Variants in RUNDC3B observed in about 807,000 individuals in gnomAD.
RUNDC3B encodes RUN domain containing 3B, also known as RUN domain-containing protein 3B.
RUNDC3B carries 33 observed loss-of-function variants against 58.4 expected under a neutral mutation model. The observed-to-expected ratio is 0.56, with a 90% CI of 0.43 to 0.75. The LOEUF (loss-of-function observed/expected upper bound fraction) is 0.75. Ranked by LOEUF, RUNDC3B falls within the 30% of genes least tolerant of loss-of-function variation. The probability of loss-of-function intolerance (pLI) is 0.00; values close to 1 mark genes in which losing one functional copy is unlikely to be tolerated. For missense variants in RUNDC3B, 501 were observed against 535.7 expected, an observed-to-expected ratio of 0.94 and a Z score of 0.64; for synonymous variants, 193 against 195.2, an observed-to-expected ratio of 0.99 and a Z score of 0.10.
At chr7:87,708,406 A>T (rs1414489993) in intron 3 of RUNDC3B, among the ~76,000 whole-genome samples, 1 of 152,140 alleles carries the variant, frequency 6.6e-6, no homozygotes, top group Admixed American at 6.5e-5. Flanking sequence ...AAGAAATGGG[A>T]AATTTCTTTT....
intron 8 of RUNDC3B, among the ~76,000 whole-genome samples, chr7:87,802,685 C>A (rs1363009575): frequency 1.3e-5 from 2 of 152,102 alleles, no homozygotes; most frequent in African/African-American, 4.8e-5. Context: ...AATATACACA[C>A]CTATTATGTA....
chr7:87,648,037 T>C (rs1823195388), intron 1 of RUNDC3B, among the ~76,000 whole-genome samples: 1 of 151,652 alleles, frequency 6.6e-6, no homozygotes, highest in Non-Finnish European at 1.5e-5. Context: ...TACAAAAAAT[T>C]AGCCGGGCTT....
At chr7:87,720,214 A>G (rs933390165) in intron 4 of RUNDC3B, among the ~76,000 whole-genome samples, 3 of 152,186 alleles carry the variant, frequency 2.0e-5, no homozygotes, top group African/African-American at 7.2e-5. Context: ...AAAAGCTCTT[A>G]GACATATGAA....
intron 9 of RUNDC3B, among the ~76,000 whole-genome samples, chr7:87,807,890 G>T (rs1185617454): frequency 6.6e-6 from 1 of 152,074 alleles, no homozygotes; most frequent in Non-Finnish European, 1.5e-5. Context: ...TGGTGGTTCT[G>T]AAGAATTCTA....
At chr7:87,781,428 A>G (rs932197739) in intron 8 of RUNDC3B, among the ~76,000 whole-genome samples, 1 of 152,046 alleles carries the variant, frequency 6.6e-6, no homozygotes, top group Admixed American at 6.6e-5. Context: ...TATCATCAGG[A>G]AAGAGAGACA....
intron 2 of RUNDC3B, among the ~76,000 whole-genome samples, chr7:87,695,350 A>G (rs752906150): frequency 2.0e-5 from 3 of 152,142 alleles, no homozygotes; most frequent in African/African-American, 7.2e-5. Context: ...GTTTGATAAA[A>G]TAGTGGATAA....
chr7:87,661,538 G>C (rs912834069), intron 2 of RUNDC3B, among the ~76,000 whole-genome samples: 7 of 151,640 alleles, frequency 4.6e-5, no homozygotes, highest in African/African-American at 1.7e-4. Flanking sequence ...TTCTGTGTCT[G>C]TCTTTTGTCA....
intron 2 of RUNDC3B, among the ~76,000 whole-genome samples, chr7:87,698,779 A>G (rs1050698183): frequency 1.3e-5 from 2 of 152,214 alleles, no homozygotes; most frequent in Non-Finnish European, 2.9e-5. Context: ...ATAATCAAGT[A>G]AAGAAATACT....
At chr7:87,807,605 T>G (rs1836506174) in intron 9 of RUNDC3B, 86 bp downstream of exon 9, 1 of 938,468 alleles carries the variant, frequency 1.1e-6, no homozygotes, top group East Asian at 2.5e-5. Context: ...TCAGTTATTC[T>G]TTCTGAACTT....
At chr7:87,652,554 T>C (rs575472524) in intron 2 of RUNDC3B, among the ~76,000 whole-genome samples, 39 of 150,734 alleles carry the variant, frequency 2.6e-4, no homozygotes, top group Non-Finnish European at 4.9e-4. Context: ...ACAGTACGAA[T>C]TGTGTTAATT....
chr7:87,809,853 T>A (rs1400181088), intron 9 of RUNDC3B, among the ~76,000 whole-genome samples: 1 of 152,214 alleles, frequency 6.6e-6, no homozygotes, highest in Non-Finnish European at 1.5e-5. Context: ...CCCTTCAAAC[T>A]TTTAATATAA....
intron 4 of RUNDC3B, among the ~76,000 whole-genome samples, chr7:87,725,294 A>G (rs10281645): frequency 0.048 from 7,344 of 152,082 alleles, 262 homozygotes; most frequent in East Asian, 0.091. Context: ...CCTGTGTCCA[A>G]GCATTCTCAT....
intron 2 of RUNDC3B, among the ~76,000 whole-genome samples, chr7:87,665,709 A>G (rs1189918108): frequency 2.0e-5 from 3 of 152,096 alleles, no homozygotes; most frequent in Non-Finnish European, 4.4e-5. Context: ...ACTCTCAAGT[A>G]GACCTCAGAG....
chr7:87,822,332 A>G (rs969019795), intron 10 of RUNDC3B, among the ~76,000 whole-genome samples: 19 of 152,378 alleles, frequency 1.2e-4, no homozygotes, highest in Admixed American at 1.1e-3. Context: ...TCAAAACCAC[A>G]ATGAGATACC....
intron 4 of RUNDC3B, among the ~76,000 whole-genome samples, chr7:87,723,436 T>G (rs1421559440): frequency 6.6e-6 from 1 of 152,162 alleles, no homozygotes; most frequent in Non-Finnish European, 1.5e-5. Context: ...AAGTTATAAC[T>G]ACCTTATGAT....
At chr7:87,744,655 T>A (rs931363196) in intron 6 of RUNDC3B, among the ~76,000 whole-genome samples, 1 of 152,260 alleles carries the variant, frequency 6.6e-6, no homozygotes. Context: ...TACTGATTTG[T>A]GTACATTAAT....
intron 6 of RUNDC3B, among the ~76,000 whole-genome samples, chr7:87,754,848 C>G (rs186009157): frequency 6.0e-5 from 9 of 150,608 alleles, no homozygotes; most frequent in African/African-American, 9.8e-5. Context: ...CTTTGACACA[C>G]ACACTTTCCC....
intron 3 of RUNDC3B, 85 bp downstream of exon 3, chr7:87,700,639 A>G (rs1039728590): frequency 1.0e-5 from 13 of 1,267,196 alleles, no homozygotes; most frequent in Non-Finnish European, 9.8e-6. Flanking sequence ...GCTACTTACT[A>G]TGAATTTCCT....
rs775410152 is a variant in RUNDC3B, at chr7:87,693,997, A to G, written c.239-6424A>G. ...GTGATGTCTCCCGCCACTGAGCTGCACGGGAGCATGGAATTGACTTTCGGG... is the reference window on the plus strand; with the variant it reads ...GTGATGTCTCCCGCCACTGAGCTGCGCGGGAGCATGGAATTGACTTTCGGG... On this transcript the variant is annotated intron_variant, in intron 2 of 10. Coordinates refer to ENST00000394654, the MANE Select transcript of RUNDC3B (RefSeq NM_001134405.2). 2.4e-5 allele frequency: 39 copies of G among 1,607,318 alleles called. 1 individual carries two copies. In the South Asian group the frequency reaches 4.1e-4, roughly 17 times the overall value.
Sources: gnomAD v4.1 joint callset for allele counts (sites outside exome capture counted in the v4.1 genomes callset) on GRCh38, gnomAD v4.1.1 for gene constraint, MANE v1.5 for transcripts, NCBI Gene and HGNC (gene_info 2026-07-23, HGNC 2026-07-21) for gene names.